BAIAP2: variants seen among roughly 807,000 people sequenced by gnomAD.
BAIAP2 encodes the protein BAR/IMD domain-containing adapter protein 2.
BAIAP2 carries 18 observed loss-of-function variants against 63.0 expected under a neutral mutation model. That is an observed-to-expected ratio of 0.29 (90% CI 0.20 to 0.42). BAIAP2 has a LOEUF of 0.42. Among genes scored for constraint, BAIAP2 ranks in the 10% least tolerant of loss-of-function variants. The pLI is 1.00. For missense variants in BAIAP2, 610 were observed against 734.3 expected, an observed-to-expected ratio of 0.83 and a Z score of 1.96; for synonymous variants, 386 against 307.6, an observed-to-expected ratio of 1.25 and a Z score of -2.67.
At chr17:81,091,728 A>G (rs1036864554) in intron 6 of BAIAP2, among the ~76,000 whole-genome samples, 3 of 152,320 alleles carry the variant, frequency 2.0e-5, no homozygotes, top group East Asian at 1.9e-4. Context: ...GACCCCACGC[A>G]AGGGTGGCCT....
intron 13 of BAIAP2, chr17:81,110,559 C>A: frequency 8.7e-7 from 1 of 1,153,610 alleles, no homozygotes; most frequent in African/African-American, 1.6e-5. Flanking sequence ...TGCGTCTTTG[C>A]CGTGGGGGCC....
At chr17:81,093,552 C>T (rs924607909) in intron 6 of BAIAP2, among the ~76,000 whole-genome samples, 5 of 152,042 alleles carry the variant, frequency 3.3e-5, no homozygotes, top group African/African-American at 1.2e-4. Context: ...GATGCTGCCT[C>T]CCAGAGACCA....
chr17:81,104,722 G>A lies in BAIAP2; in HGVS notation c.1268+7G>A, dbSNP rs772148626. 1 of 1,560,168 alleles carries A rather than the reference G, an allele frequency of 6.4e-7. No homozygotes were observed. Among genetic ancestry groups the A allele is most frequent in the Admixed American group, 1.9e-5 (1 of 53,234 alleles). ...AGAGTGAGAAGACCAAGATGTGAGT[G>A]TTTCTCGGGGGCGGGCTCCAGGCAG... On this transcript the variant is annotated splice_region_variant and intron_variant, in intron 10 of 13. Transcript: ENST00000428708.
intron 1 of BAIAP2, among the ~76,000 whole-genome samples, chr17:81,049,969 G>A (rs982562713): frequency 1.3e-5 from 2 of 152,230 alleles, no homozygotes; most frequent in African/African-American, 4.8e-5. Context: ...TGGTTCGGAG[G>A]CTCAGAGAGA....
intron 2 of BAIAP2, among the ~76,000 whole-genome samples, chr17:81,055,642 T>TGCAAA: frequency 6.8e-6 from 1 of 147,070 alleles, no homozygotes; most frequent in Non-Finnish European, 1.5e-5. Context: ...CTTGGCTCCC[T>TGCAAA]GCAAACTCTG....
intron 4 of BAIAP2, 95 bp from the exon 5 acceptor site, chr17:81,085,559 G>T: frequency 9.8e-7 from 1 of 1,021,024 alleles, no homozygotes. Flanking sequence ...GGGACACCCG[G>T]TGTCTCGTGC....
rs530620776 is a variant in BAIAP2, at chr17:81,086,640, G to A, written c.489+60G>A. Reference sequence around the variant, plus strand: ...GCCACCTTGGGACTGCTCACCCCTCGGCCCCCCTCGTCCACAGGGAGTGGA... The same window carrying A: ...GCCACCTTGGGACTGCTCACCCCTCAGCCCCCCTCGTCCACAGGGAGTGGA... On this transcript the variant is annotated intron_variant, in intron 6 of 13. Coordinates refer to ENST00000428708, the MANE Select transcript of BAIAP2 (RefSeq NM_001144888.2). The A allele has an allele frequency of 2.1e-4, 331 of 1,595,484 alleles. 3 individuals are homozygous for A. In the South Asian group the frequency reaches 3.4e-3, roughly 16 times the overall value.
At chr17:81,050,160 T>C (rs895654466) in intron 1 of BAIAP2, among the ~76,000 whole-genome samples, 1 of 152,158 alleles carries the variant, frequency 6.6e-6, no homozygotes, top group Non-Finnish European at 1.5e-5. Flanking sequence ...GCCCAGCGGC[T>C]GGATGCAGAT....
At chr17:81,113,262 C>T (rs550891322) in intron 13 of BAIAP2, among the ~76,000 whole-genome samples, 136 of 152,294 alleles carry the variant, frequency 8.9e-4, no homozygotes, top group Admixed American at 1.8e-3. Flanking sequence ...TGGTGACTTT[C>T]CTTTGCTGGC....
rs759243637 is a variant in BAIAP2, at chr17:81,106,178, C to A, written c.1337+32C>A. The A allele has an allele frequency of 6.4e-5, 100 of 1,555,260 alleles. 1 individual carries two copies. In the South Asian group the frequency reaches 1.1e-3, roughly 17 times the overall value. Reference sequence around the variant, plus strand: ...TCTGGGCCCAACGGGAGTGTAAGATCCCCAGCTCGGGAGAGGGGCTGTGAT... The same window carrying A: ...TCTGGGCCCAACGGGAGTGTAAGATACCCAGCTCGGGAGAGGGGCTGTGAT... On this transcript the variant is annotated intron_variant, in intron 11 of 13. Coordinates refer to ENST00000428708, the MANE Select transcript of BAIAP2 (RefSeq NM_001144888.2).
intron 13 of BAIAP2, among the ~76,000 whole-genome samples, chr17:81,110,709 C>T (rs537468215): frequency 1.5e-4 from 23 of 152,334 alleles, no homozygotes; most frequent in African/African-American, 5.3e-4. Context: ...GCAGCTGAGG[C>T]AGGCTCCTGG....
At chr17:81,060,006 G>A (rs1182892580) in intron 3 of BAIAP2, among the ~76,000 whole-genome samples, 1 of 152,194 alleles carries the variant, frequency 6.6e-6, no homozygotes, top group African/African-American at 2.4e-5. Flanking sequence ...TCAGAAGAGA[G>A]GGAGACGTGA....
chr17:81,084,555 G>C (rs913211472), intron 3 of BAIAP2, among the ~76,000 whole-genome samples: 1 of 152,186 alleles, frequency 6.6e-6, no homozygotes, highest in African/African-American at 2.4e-5. Flanking sequence ...AGCACACACG[G>C]GCTCTTCCTG....
At chr17:81,067,627 C>A (rs1242577903) in intron 3 of BAIAP2, among the ~76,000 whole-genome samples, 2 of 152,316 alleles carry the variant, frequency 1.3e-5, no homozygotes, top group East Asian at 3.9e-4. Context: ...TAGCTCCGAG[C>A]GTCACCCACA....
intron 6 of BAIAP2, chr17:81,087,137 C>T (rs1163427797): frequency 6.5e-6 from 1 of 153,164 alleles, no homozygotes; most frequent in Non-Finnish European, 1.5e-5. Context: ...CCCAGAAACC[C>T]CTCGCCCACT....
In BAIAP2 at chr17:81,116,041, G is replaced by A. The variant is rs531115857; in HGVS notation, c.*202G>A. On this transcript the variant is annotated 3_prime_UTR_variant, in exon 14 of 14. Transcript: ENST00000428708. The stretch of plus-strand genomic sequence containing the variant: ...AGTGGGGCGCAGGCCCCTGAAGGGC[G>A]AGACCCAGTGGCTGGGCTGCCCAGG... 58 of 1,458,990 alleles carry A rather than the reference G, an allele frequency of 4.0e-5. 3 individuals carry two copies. The highest frequency in any genetic ancestry group is 2.0e-4 in the Admixed American group (8 of 40,184). 90.4% of individuals were successfully genotyped at this position (1,458,990 alleles called of 1,614,324 possible).
At chr17:81,110,839 T>C in intron 13 of BAIAP2, 1 of 1,579,190 alleles carries the variant, frequency 6.3e-7, no homozygotes, top group African/African-American at 1.3e-5. Flanking sequence ...AGCTCGCCCG[T>C]GGTCCCCCCT....
intron 1 of BAIAP2, among the ~76,000 whole-genome samples, chr17:81,035,653 C>G (rs930997885): frequency 6.6e-6 from 1 of 151,436 alleles, no homozygotes; most frequent in African/African-American, 2.4e-5. Flanking sequence ...GAGCCGCGCG[C>G]CGGGCCCCGG....
In BAIAP2 at chr17:81,111,275, T is replaced by C. The variant is rs58278725; in HGVS notation, c.1535+2766T>C. The stretch of plus-strand genomic sequence containing the variant: ...CCTGCCCTGCTGGGCGCTTCAATTA[T>C]AGTCAAAGGGTGACCCCGGCAAGCA... On this transcript the variant is annotated intron_variant, in intron 13 of 13. Coordinates refer to ENST00000428708, the MANE Select transcript of BAIAP2 (RefSeq NM_001144888.2). Among the ~76,000 whole-genome samples the C allele has an allele frequency of 7.4e-3, 1,126 of 152,358 alleles. 14 individuals are homozygous for C. The highest frequency in any genetic ancestry group is 0.026 in the African/African-American group (1,071 of 41,592).
Sources: allele counts gnomAD v4.1 joint callset (sites outside exome capture counted in the v4.1 genomes callset), GRCh38; gene constraint gnomAD v4.1.1; transcripts MANE v1.5; gene names NCBI Gene and HGNC (gene_info 2026-07-23, HGNC 2026-07-21).